The following ZMPSTE24 variants were observed in gnomAD, a reference collection of about 807,000 sequenced individuals.
The protein encoded by ZMPSTE24 is CAAX prenyl protease 1 homolog.
Under a neutral mutation model 56.7 loss-of-function variants are expected in ZMPSTE24, and 48 were observed. That is an observed-to-expected ratio of 0.85 (90% CI 0.67 to 1.08). The LOEUF (loss-of-function observed/expected upper bound fraction) is 1.08. Among genes scored for constraint, ZMPSTE24 ranks in the 50% least tolerant of loss-of-function variants. The pLI is 0.00. For synonymous variants in ZMPSTE24, 172 were observed against 195.2 expected, an observed-to-expected ratio of 0.88 and a Z score of 0.99; for missense variants, 503 against 548.7, an observed-to-expected ratio of 0.92 and a Z score of 0.83.
chr1:40,286,728 CTTTTT>C (rs34496576), intron 8 of ZMPSTE24, among the ~76,000 whole-genome samples: 1 of 123,228 alleles, frequency 8.1e-6, no homozygotes, highest in Non-Finnish European at 1.7e-5. Context: ...CCCTAAAATG[CTTTTT>C]TTTTTTTTTT....
rs1643578627 is a variant in ZMPSTE24 at position 40,268,453 on chromosome 1, C to T, written c.392C>T (p.Thr131Ile). 1.2e-6 allele frequency: 2 copies of T among 1,612,842 alleles called. No individual in the cohort carries two copies. The highest frequency in any genetic ancestry group is 1.1e-5 in the South Asian group (1 of 91,080). Residue 131 changes from threonine (T) to isoleucine (I), a missense_variant, in exon 4 of 10, where the codon ACA (threonine) becomes ATA (isoleucine). Transcript: ENST00000372759. The stretch of plus-strand genomic sequence containing the variant: ...TCCCTGGTGTTTCTGCTGTTGGCTA[C>T]ACTTTTCAGTGCATTGACTGGTTTG... ...TQSLVFLLLA[T>I]LFSALTGLPW... is the part of the protein sequence containing the mutation.
chr1:40,261,020 T>C (rs1380965946), intron 2 of ZMPSTE24, 35 bp downstream of exon 2: 9 of 1,613,316 alleles, frequency 5.6e-6, no homozygotes, highest in Non-Finnish European at 7.6e-6. Flanking sequence ...ACAGTCTGTC[T>C]GGTTGTTTTC....
intron 2 of ZMPSTE24, among the ~76,000 whole-genome samples, chr1:40,265,085 A>G (rs573976458): frequency 2.6e-5 from 4 of 152,228 alleles, no homozygotes; most frequent in Admixed American, 1.3e-4. Context: ...TTCAGTCCCC[A>G]AAAGGTTTGC....
rs202136907 is a variant in ZMPSTE24, at chr1:40,273,915, T to C, written c.769+1880T>C. 2.0e-5 allele frequency among the ~76,000 whole-genome samples: 3 copies of C among 152,080 alleles called. No individual in the cohort carries two copies. The East Asian group carries it at 5.8e-4, about 29-fold the overall frequency. On this transcript the variant is annotated intron_variant, in intron 6 of 9. Coordinates refer to ENST00000372759, the MANE Select transcript of ZMPSTE24 (RefSeq NM_005857.5). ...GCTATTTTCTTTTTATCTTTTTTTTTCCCCCTACAACATCCAGAGTATGAG... is the reference window on the plus strand; with the variant it reads ...GCTATTTTCTTTTTATCTTTTTTTTCCCCCCTACAACATCCAGAGTATGAG...
chr1:40,272,427 T>C (rs1380655479), intron 6 of ZMPSTE24, among the ~76,000 whole-genome samples: 1 of 152,246 alleles, frequency 6.6e-6, no homozygotes, highest in East Asian at 1.9e-4. Flanking sequence ...AAATTCTGTT[T>C]AGTATTAGTT....
intron 7 of ZMPSTE24, among the ~76,000 whole-genome samples, chr1:40,283,696 C>A (rs1020008811): frequency 1.3e-5 from 2 of 151,986 alleles, no homozygotes; most frequent in Non-Finnish European, 2.9e-5. Context: ...ATGCATTAGG[C>A]CCTTTTATTC....
At chr1:40,276,239 T>C (rs773237643) in intron 6 of ZMPSTE24, among the ~76,000 whole-genome samples, 5 of 152,200 alleles carry the variant, frequency 3.3e-5, no homozygotes, top group Non-Finnish European at 5.9e-5. Flanking sequence ...GGTAACTGTA[T>C]GTATGAGTCT....
chr1:40,279,979 G>A (rs537853151), intron 6 of ZMPSTE24, among the ~76,000 whole-genome samples: 4 of 152,034 alleles, frequency 2.6e-5, no homozygotes, highest in East Asian at 1.9e-4. Context: ...TCCATGTTTC[G>A]TCTCACGTCA....
At chr1:40,269,105 A>T (rs574450935) in intron 4 of ZMPSTE24, among the ~76,000 whole-genome samples, 1 of 151,414 alleles carries the variant, frequency 6.6e-6, no homozygotes, top group East Asian at 1.9e-4. Flanking sequence ...AAAGAAAGAA[A>T]AAAAGTCTTG....
intron 1 of ZMPSTE24, among the ~76,000 whole-genome samples, chr1:40,260,063 T>C (rs1220076114): frequency 6.8e-6 from 1 of 146,136 alleles, no homozygotes; most frequent in Non-Finnish European, 1.5e-5. Flanking sequence ...TCCTTTTTTT[T>C]TTTTTTTTTT....
intron 4 of ZMPSTE24, among the ~76,000 whole-genome samples, chr1:40,268,933 G>T (rs1431559291): frequency 6.6e-6 from 1 of 151,516 alleles, no homozygotes; most frequent in African/African-American, 2.4e-5. Context: ...AAAATTAGCC[G>T]GGCTTGGTGG....
At chr1:40,292,296 C>A (rs113987907) in intron 9 of ZMPSTE24, 149 bp from the exon 10 acceptor site, 32 of 727,414 alleles carry the variant, frequency 4.4e-5, no homozygotes, top group African/African-American at 1.6e-4. Flanking sequence ...AATTTCCTCA[C>A]CCTAGGTCCC....
intron 8 of ZMPSTE24, 34 bp downstream of exon 8, chr1:40,286,063 A>T: frequency 6.4e-7 from 1 of 1,563,254 alleles, no homozygotes; most frequent in Non-Finnish European, 8.8e-7. Flanking sequence ...TTTTTATGGC[A>T]TGATAGTCAA....
chr1:40,261,030 CA>C, intron 2 of ZMPSTE24, 45 bp downstream of exon 2: 2 of 1,610,592 alleles, frequency 1.2e-6, no homozygotes, highest in Non-Finnish European at 1.7e-6. Context: ...TGGTTGTTTT[CA>C]TTTTCATATT....
At chr1:40,281,268 C>A in intron 6 of ZMPSTE24, 75 bp from the exon 7 acceptor site, 2 of 1,376,818 alleles carry the variant, frequency 1.5e-6, no homozygotes, top group Non-Finnish European at 2.1e-6. Context: ...TCCAGTAATT[C>A]AATTTCTAGG....
At chr1:40,267,686 A>C in intron 2 of ZMPSTE24, 100 bp from the exon 3 acceptor site, 4 of 977,240 alleles carry the variant, frequency 4.1e-6, no homozygotes, top group Non-Finnish European at 6.5e-6. Flanking sequence ...TTTTTTTAAT[A>C]GAGATGATTA....
chr1:40,285,769 G>A lies in ZMPSTE24; in HGVS notation c.955-156G>A, dbSNP rs182687441. Among the ~76,000 whole-genome samples the A allele has an allele frequency of 5.6e-4, 86 of 152,232 alleles. 1 individual carries two copies. In the East Asian group the frequency reaches 0.012, roughly 22 times the overall value. ...TGCTTAACCCACTGTCTCATGTGGA[G>A]CAGTGGTTCAGGGAATGTTTTGTTA... On this transcript the variant is annotated intron_variant, in intron 7 of 9. Transcript: ENST00000372759.
intron 1 of ZMPSTE24, among the ~76,000 whole-genome samples, chr1:40,259,784 G>T (rs1332901352): frequency 6.6e-6 from 1 of 151,740 alleles, no homozygotes; most frequent in Non-Finnish European, 1.5e-5. Flanking sequence ...CTAATTGTTT[G>T]ATTTTTTTGT....
chr1:40,261,078 C>T, intron 2 of ZMPSTE24, 93 bp downstream of exon 2: 1 of 1,480,212 alleles, frequency 6.8e-7, no homozygotes, highest in Non-Finnish European at 9.4e-7. Context: ...CTTACAAGTC[C>T]CAGAATGCTT....
Sources: allele counts gnomAD v4.1 joint callset (sites outside exome capture counted in the v4.1 genomes callset), GRCh38; gene constraint gnomAD v4.1.1; transcripts MANE v1.5; gene names NCBI Gene and HGNC (gene_info 2026-07-23, HGNC 2026-07-21).